The following RTTN variants were observed in gnomAD, a reference collection of about 807,000 sequenced individuals.
RTTN encodes rotatin.
A neutral mutation model predicts 269.2 loss-of-function variants in RTTN; 182 were observed. That is an observed-to-expected ratio of 0.68 (90% CI 0.60 to 0.76). The LOEUF is 0.76. Among genes scored for constraint, RTTN ranks in the 30% least tolerant of loss-of-function variants. The pLI is 0.00. For synonymous variants in RTTN, 1,006 were observed against 963.5 expected (o/e 1.04, Z -0.82); for missense variants, 2,545 against 2,608.6 (o/e 0.98, Z 0.53).
intron 44 of RTTN, among the ~76,000 whole-genome samples, chr18:70,021,735 G>C (rs1171210265): frequency 3.3e-5 from 5 of 152,154 alleles, no homozygotes; most frequent in Non-Finnish European, 7.3e-5. Flanking sequence ...ATATCTCTTT[G>C]TGCTGACTGG....
chr18:70,140,275 C>A, intron 19 of RTTN, 87 bp from the exon 20 acceptor site: 1 of 717,902 alleles, frequency 1.4e-6, no homozygotes, highest in South Asian at 1.7e-5. Flanking sequence ...CTGATATCCA[C>A]ACAACCTTCA....
At chr18:70,083,660 C>T (rs914865107) in intron 32 of RTTN, among the ~76,000 whole-genome samples, 5 of 151,588 alleles carry the variant, frequency 3.3e-5, no homozygotes, top group East Asian at 1.9e-4. Flanking sequence ...CTATCTTGTC[C>T]GAGAAAAGAT....
intron 9 of RTTN, 105 bp downstream of exon 9, chr18:70,190,433 A>G (rs1196256226): frequency 1.4e-6 from 1 of 693,638 alleles, no homozygotes; most frequent in Non-Finnish European, 2.3e-6. Context: ...ATAAGTAAAT[A>G]CAGATTCCAA....
intron 44 of RTTN, among the ~76,000 whole-genome samples, chr18:70,022,979 G>C (rs2056749303): frequency 6.6e-6 from 1 of 152,180 alleles, no homozygotes; most frequent in Non-Finnish European, 1.5e-5. Context: ...TCCTGTGGTA[G>C]CCAGCCTCCA....
At chr18:70,009,958 T>C (rs2145452576) in intron 46 of RTTN, among the ~76,000 whole-genome samples, 1 of 151,804 alleles carries the variant, frequency 6.6e-6, no homozygotes, top group Middle Eastern at 3.4e-3. Flanking sequence ...TAAAAAAGAC[T>C]TTAAACCAAC....
intron 47 of RTTN, 165 bp downstream of exon 47, chr18:70,006,216 A>G (rs2056181191): frequency 1.9e-6 from 1 of 531,838 alleles, no homozygotes; most frequent in Non-Finnish European, 3.4e-6. Context: ...ATTTCAACTG[A>G]TGGTTTACTA....
At chr18:70,043,509 T>C (rs1050989444) in intron 40 of RTTN, among the ~76,000 whole-genome samples, 3 of 151,952 alleles carry the variant, frequency 2.0e-5, no homozygotes, top group African/African-American at 7.3e-5. Context: ...TAAAACTGAA[T>C]AATCAAGACA....
Position 70,109,637 on chromosome 18 carries a change from G to A in RTTN, c.3764C>T (p.Pro1255Leu), listed in dbSNP as rs761572118. The change falls in exon 28 of 49, where the codon CCT (proline) becomes CTT (leucine). Residue 1255 changes from proline to leucine, a missense_variant. Pro to Leu is a moderately conservative substitution (Grantham distance 98, BLOSUM62 -3). Coordinates refer to ENST00000640769, the MANE Select transcript of RTTN (RefSeq NM_173630.4). ...LLQCLKVTDA[P>L]HFYGLPSLER... is the part of the protein sequence containing the mutation. ...AAGGGACGGCAGGCCATAGAAATGA[G>A]GCGCATCCGTCACTTTCAGACACTG... 37 of 1,613,942 alleles carry A rather than the reference G, an allele frequency of 2.3e-5. No individual in the cohort carries two copies. Among genetic ancestry groups the A allele is most frequent in the Middle Eastern group, 3.3e-4 (2 of 6,082 alleles).
intron 9 of RTTN, 146 bp from the exon 10 acceptor site, chr18:70,188,369 T>C: frequency 1.7e-6 from 1 of 583,290 alleles, no homozygotes; most frequent in East Asian, 2.8e-5. Flanking sequence ...TGTAGAGAAA[T>C]CACAATTTAC....
chr18:70,059,352 A>T (rs2057910141), intron 36 of RTTN, among the ~76,000 whole-genome samples: 1 of 152,224 alleles, frequency 6.6e-6, no homozygotes, highest in South Asian at 2.1e-4. Context: ...AGTAATAAAA[A>T]TTCAAATAAT....
In RTTN at chr18:70,103,279, C is replaced by T. The variant is rs143752389; in HGVS notation, c.3903+6219G>A. ...CTGAAGAGACAGCGACCATCGAGAA[C>T]GGGCCATGATGACTATGGCAGTTTT... is the stretch of plus-strand genomic sequence containing the variant. On this transcript the variant is annotated intron_variant, in intron 28 of 48. Transcript: ENST00000640769. 9.6e-3 allele frequency among the ~76,000 whole-genome samples: 1,467 copies of T among 152,048 alleles called. 23 individuals are homozygous for T. The highest frequency in any genetic ancestry group is 0.034 in the African/African-American group (1,392 of 41,460).
At chr18:70,188,864 C>T (rs2061606441) in intron 9 of RTTN, among the ~76,000 whole-genome samples, 1 of 57,552 alleles carries the variant, frequency 1.7e-5, no homozygotes, top group African/African-American at 2.6e-5. Context: ...GAGACTTTCC[C>T]ACCCCGCATC....
chr18:70,158,650 G>A (rs1474776812), intron 14 of RTTN, among the ~76,000 whole-genome samples: 1 of 152,086 alleles, frequency 6.6e-6, no homozygotes, highest in Non-Finnish European at 1.5e-5. Context: ...GCACAGAGTG[G>A]CAAGCTGGAT....
At chr18:70,152,767 C>T (rs1228041372) in intron 14 of RTTN, among the ~76,000 whole-genome samples, 1 of 152,148 alleles carries the variant, frequency 6.6e-6, no homozygotes, top group Non-Finnish European at 1.5e-5. Context: ...ATCTCCACTA[C>T]ACCACCACAT....
At chr18:70,192,951 C>T (rs1481661209) in intron 8 of RTTN, 2 of 185,884 alleles carry the variant, frequency 1.1e-5, no homozygotes, top group African/African-American at 4.7e-5. Flanking sequence ...GAAATCGGAA[C>T]TGAAAATATA....
chr18:70,201,477 G>A (rs1480318187), intron 4 of RTTN, among the ~76,000 whole-genome samples: 6 of 150,494 alleles, frequency 4.0e-5, no homozygotes, highest in Non-Finnish European at 8.9e-5. Context: ...GCGTAGTGGC[G>A]GGCGCCTGTA....
intron 10 of RTTN, among the ~76,000 whole-genome samples, chr18:70,183,393 C>T (rs2061462564): frequency 6.6e-6 from 1 of 151,986 alleles, no homozygotes; most frequent in Non-Finnish European, 1.5e-5. Flanking sequence ...AAATACAGGC[C>T]AAAGATGATT....
At chr18:70,120,925 C>T (rs1480012963) in intron 26 of RTTN, among the ~76,000 whole-genome samples, 1 of 152,026 alleles carries the variant, frequency 6.6e-6, no homozygotes, top group Non-Finnish European at 1.5e-5. Flanking sequence ...GTGGCAGGCA[C>T]CTGTAATCCC....
At chr18:70,128,145 T>C (rs2059912246) in intron 24 of RTTN, 1 of 502,542 alleles carries the variant, frequency 2.0e-6, no homozygotes, top group South Asian at 3.0e-5. Flanking sequence ...CAGAGTAAAA[T>C]GCTTTTTCAT....
Sources: allele counts gnomAD v4.1 joint callset (sites outside exome capture counted in the v4.1 genomes callset), GRCh38; gene constraint gnomAD v4.1.1; transcripts MANE v1.5; gene names NCBI Gene and HGNC (gene_info 2026-07-23, HGNC 2026-07-21).